The following OPCML variants were observed in gnomAD, a reference collection of about 807,000 sequenced individuals.
OPCML encodes opioid binding protein/cell adhesion molecule like, also known as opioid-binding protein/cell adhesion molecule.
Under a neutral mutation model 37.8 loss-of-function variants are expected in OPCML, and 13 were observed. That is an observed-to-expected ratio of 0.34 (90% CI 0.22 to 0.55). The LOEUF (loss-of-function observed/expected upper bound fraction) is 0.55. Among genes scored for constraint, OPCML ranks in the 20% least tolerant of loss-of-function variants. OPCML has a pLI of 0.91. For synonymous variants in OPCML, 176 were observed against 168.8 expected (o/e 1.04, Z -0.33); for missense variants, 341 against 435.6 (o/e 0.78, Z 1.93).
rs139821221 is a variant in OPCML, at chr11:132,555,637, C to T, written c.380-26451G>A. Among the ~76,000 whole-genome samples, 398 of 152,168 alleles carry T rather than the reference C, an allele frequency of 2.6e-3. 3 individuals carry two copies. The highest frequency in any genetic ancestry group is 9.0e-3 in the African/African-American group (373 of 41,500). ...AGAGATTTTTCAGTCTCTGGAATGG[C>T]TTGACAAACCCTCAAGTCTGAAGAA... On this transcript the variant is annotated intron_variant, in intron 3 of 7. Transcript: ENST00000524381.
chr11:133,164,550 G>A (rs1052371298), intron 1 of OPCML, among the ~76,000 whole-genome samples: 5 of 152,200 alleles, frequency 3.3e-5, no homozygotes, highest in Non-Finnish European at 7.3e-5. Flanking sequence ...CCGCAGGTAA[G>A]AGGATTCATT....
At chr11:133,140,934 A>AC in intron 1 of OPCML, among the ~76,000 whole-genome samples, 1 of 17,736 alleles carries the variant, frequency 5.6e-5, no homozygotes, top group African/African-American at 1.1e-4. Flanking sequence ...ACGACGACGA[A>AC]GAAGAAGAAG....
chr11:133,022,464 G>C (rs1346705353), intron 1 of OPCML, among the ~76,000 whole-genome samples: 1 of 151,760 alleles, frequency 6.6e-6, no homozygotes, highest in Admixed American at 6.6e-5. Context: ...CGCAAATGGT[G>C]AGCATTTTAC....
chr11:132,727,420 C>T (rs1023536256), intron 2 of OPCML, among the ~76,000 whole-genome samples: 1 of 152,168 alleles, frequency 6.6e-6, no homozygotes, highest in African/African-American at 2.4e-5. Context: ...GGCGTGGAGG[C>T]CTCCTCTGTG....
chr11:132,433,778 C>A (rs1453846332), intron 7 of OPCML, among the ~76,000 whole-genome samples: 1 of 152,188 alleles, frequency 6.6e-6, no homozygotes, highest in Admixed American at 6.5e-5. Context: ...TATGAGAATT[C>A]AGAGGAGAAA....
intron 1 of OPCML, among the ~76,000 whole-genome samples, chr11:133,031,263 G>C (rs1275017524): frequency 6.6e-6 from 1 of 151,566 alleles, no homozygotes; most frequent in African/African-American, 2.4e-5. Flanking sequence ...GGGTAGACAG[G>C]TTAAATAAGT....
At chr11:132,509,609 C>T (rs901186784) in intron 4 of OPCML, among the ~76,000 whole-genome samples, 13 of 152,178 alleles carry the variant, frequency 8.5e-5, no homozygotes, top group Non-Finnish European at 1.9e-4. Context: ...GAAAGGGGCA[C>T]ATGTACAGCG....
At chr11:132,503,045 C>T (rs1372519666) in intron 4 of OPCML, among the ~76,000 whole-genome samples, 1 of 152,098 alleles carries the variant, frequency 6.6e-6, no homozygotes, top group Non-Finnish European at 1.5e-5. Context: ...ATTCAAGGTC[C>T]CCTGGCAGCA....
At chr11:132,564,691 C>G (rs2096418337) in intron 3 of OPCML, among the ~76,000 whole-genome samples, 1 of 151,962 alleles carries the variant, frequency 6.6e-6, no homozygotes, top group African/African-American at 2.4e-5. Context: ...GGAGTGTTCC[C>G]CTGTGTGCAT....
rs146745364 is a variant in OPCML at position 132,776,824 on chromosome 11, C to A, written c.147-119505G>T. ...AGTTAGTTAGGTAACGTGCCCAGGA[C>A]CAAGCAGCTATGGAGCCAGCCTGGA... On this transcript the variant is annotated intron_variant, in intron 2 of 7. Transcript: ENST00000524381. 1.1e-3 allele frequency among the ~76,000 whole-genome samples: 169 copies of A among 152,180 alleles called. 3 individuals carry two copies. The East Asian group carries it at 0.029, about 26-fold the overall frequency.
At chr11:132,867,247 G>C (rs544792955) in intron 2 of OPCML, among the ~76,000 whole-genome samples, 2 of 152,284 alleles carry the variant, frequency 1.3e-5, no homozygotes, top group South Asian at 4.1e-4. Flanking sequence ...GAAAAGGACT[G>C]TTGGTGAGAA....
In OPCML at chr11:133,118,590, G is replaced by C. The variant is rs186649631; in HGVS notation, c.62-175580C>G. On this transcript the variant is annotated intron_variant, in intron 1 of 7. Transcript: ENST00000524381. ...TGAAGAGTCCTCCTAGAGGCCGCAT[G>C]TATGGCCATCTGCCTTCACAAGATG... Among the ~76,000 whole-genome samples the C allele has an allele frequency of 1.3e-5, 2 of 152,118 alleles. 1 individual carries two copies. Among genetic ancestry groups the C allele is most frequent in the African/African-American group, 4.8e-5 (2 of 41,512 alleles).
At chr11:132,837,250 G>T (rs1002580452) in intron 2 of OPCML, among the ~76,000 whole-genome samples, 1 of 152,208 alleles carries the variant, frequency 6.6e-6, no homozygotes, top group Non-Finnish European at 1.5e-5. Flanking sequence ...GGAGGCAGAG[G>T]TTGCGGTGAC....
intron 2 of OPCML, among the ~76,000 whole-genome samples, chr11:132,827,923 G>A (rs757371928): frequency 2.0e-5 from 3 of 151,934 alleles, no homozygotes; most frequent in South Asian, 2.1e-4. Flanking sequence ...GAGCCACCGC[G>A]CCTGGCCCCT....
intron 1 of OPCML, among the ~76,000 whole-genome samples, chr11:133,398,610 TA>T (rs112784318): frequency 0.23 from 33,955 of 150,008 alleles, 4,676 homozygotes; most frequent in African/African-American, 0.39. Context: ...TATCTTTTTT[TA>T]AAAAAAAAAA....
intron 3 of OPCML, among the ~76,000 whole-genome samples, chr11:132,580,632 T>C (rs1488734283): frequency 6.6e-6 from 1 of 152,196 alleles, no homozygotes; most frequent in Non-Finnish European, 1.5e-5. Flanking sequence ...TATCTAATAC[T>C]AATACTTTCA....
intron 1 of OPCML, among the ~76,000 whole-genome samples, chr11:133,228,359 T>G (rs912632891): frequency 6.6e-6 from 1 of 151,880 alleles, no homozygotes; most frequent in African/African-American, 2.4e-5. Flanking sequence ...AGGTTAAATG[T>G]GGTGAAGGTC....
intron 1 of OPCML, among the ~76,000 whole-genome samples, chr11:133,493,502 G>T (rs1407380043): frequency 1.3e-5 from 2 of 152,048 alleles, no homozygotes; most frequent in Admixed American, 6.5e-5. Flanking sequence ...TATAACCCAT[G>T]AATATATTTC....
At chr11:132,437,152 A>T (rs1359018502) in intron 5 of OPCML, 70 bp downstream of exon 5, 1 of 1,578,962 alleles carries the variant, frequency 6.3e-7, no homozygotes, top group Non-Finnish European at 8.6e-7. Flanking sequence ...TGGCACTGCC[A>T]TTACCAGATT....
Sources: allele counts gnomAD v4.1 joint callset (sites outside exome capture counted in the v4.1 genomes callset), GRCh38; gene constraint gnomAD v4.1.1; transcripts MANE v1.5; gene names NCBI Gene and HGNC (gene_info 2026-07-23, HGNC 2026-07-21).